MYRFL: variants seen among roughly 807,000 people sequenced by gnomAD.
The protein encoded by MYRFL is myelin regulatory factor-like protein.
In MYRFL, 88 loss-of-function variants were observed where a neutral mutation model predicts 109.4. That is an observed-to-expected ratio of 0.80 (90% CI 0.68 to 0.96). MYRFL has a LOEUF of 0.96. Ranked by LOEUF, MYRFL falls within the 40% of genes least tolerant of loss-of-function variation. The pLI, the probability that MYRFL is intolerant of heterozygous loss-of-function variation, is 0.00. For synonymous variants in MYRFL, 324 were observed against 320.9 expected, an observed-to-expected ratio of 1.01 and a Z score of -0.10; for missense variants, 957 against 954.9, an observed-to-expected ratio of 1.00 and a Z score of -0.03.
intron 8 of MYRFL, 58 bp from the exon 9 acceptor site, chr12:69,895,313 C>T: frequency 8.0e-7 from 1 of 1,244,696 alleles, no homozygotes; most frequent in Non-Finnish European, 1.1e-6. Context: ...TAGATATGAT[C>T]AGAGATTTGG....
intron 13 of MYRFL, among the ~76,000 whole-genome samples, chr12:69,917,965 A>G (rs1399346446): frequency 6.7e-6 from 1 of 149,252 alleles, no homozygotes; most frequent in Non-Finnish European, 1.5e-5. Context: ...CAGCTAGGGT[A>G]GAGAGGAAGC....
chr12:69,938,698 T>C (rs1026097479), intron 19 of MYRFL, among the ~76,000 whole-genome samples: 7 of 152,048 alleles, frequency 4.6e-5, no homozygotes, highest in Non-Finnish European at 7.4e-5. Flanking sequence ...AATAAAGATA[T>C]AGGAATAGGA....
intron 1 of MYRFL, among the ~76,000 whole-genome samples, chr12:69,836,239 TC>T (rs1045504314): frequency 1.9e-4 from 29 of 152,286 alleles, no homozygotes; most frequent in African/African-American, 7.0e-4. Context: ...GTGTGTTCCT[TC>T]ACCAATGTGC....
intron 19 of MYRFL, among the ~76,000 whole-genome samples, chr12:69,941,851 A>AT (rs1355415417): frequency 6.6e-6 from 1 of 151,586 alleles, no homozygotes; most frequent in Non-Finnish European, 1.5e-5. Flanking sequence ...GATAAAGGGG[A>AT]TATCACCACC....
chr12:69,938,717 G>A (rs1006089451), intron 19 of MYRFL, among the ~76,000 whole-genome samples: 15 of 152,130 alleles, frequency 9.9e-5, no homozygotes, highest in African/African-American at 9.7e-5. Context: ...GAACAGCTCC[G>A]GTCTACAGCT....
intron 2 of MYRFL, among the ~76,000 whole-genome samples, chr12:69,862,391 T>C (rs1187826762): frequency 6.6e-6 from 1 of 152,222 alleles, no homozygotes. Context: ...GCATGAAATG[T>C]TCTTCCATTT....
chr12:69,936,716 T>C (rs1955483121), intron 19 of MYRFL, 84 bp downstream of exon 19: 2 of 1,241,352 alleles, frequency 1.6e-6, no homozygotes, highest in Non-Finnish European at 2.1e-6. Flanking sequence ...TGGTCATTAA[T>C]GGTTCCAGAT....
intron 1 of MYRFL, among the ~76,000 whole-genome samples, chr12:69,831,406 C>T (rs1355327387): frequency 6.6e-6 from 1 of 152,144 alleles, no homozygotes; most frequent in African/African-American, 2.4e-5. Context: ...TGATCTACAA[C>T]CTAACTAATA....
chr12:69,857,019 G>T (rs1884333984), intron 2 of MYRFL, among the ~76,000 whole-genome samples: 1 of 151,646 alleles, frequency 6.6e-6, no homozygotes, highest in Admixed American at 6.6e-5. Context: ...TTATATTTAG[G>T]TCTATGATCC....
intron 22 of MYRFL, 62 bp from the exon 23 acceptor site, chr12:69,957,760 T>C (rs899194896): frequency 4.1e-6 from 6 of 1,472,422 alleles, no homozygotes; most frequent in Non-Finnish European, 5.4e-6. Context: ...TATCAAGATG[T>C]ATCCTAGTAG....
chr12:69,898,229 A>G (rs1015080830), intron 10 of MYRFL, among the ~76,000 whole-genome samples: 6 of 152,326 alleles, frequency 3.9e-5, no homozygotes, highest in Admixed American at 3.9e-4. Context: ...GTTCTGAAAC[A>G]AAGGGACCTC....
intron 19 of MYRFL, among the ~76,000 whole-genome samples, chr12:69,938,651 A>AAAG (rs1955540022): frequency 6.6e-6 from 1 of 152,212 alleles, no homozygotes; most frequent in Non-Finnish European, 1.5e-5. Context: ...AAAAGGTTTA[A>AAAG]AAGTAAAAAA....
At chr12:69,840,001 C>G (rs1048179177) in intron 1 of MYRFL, among the ~76,000 whole-genome samples, 3 of 152,190 alleles carry the variant, frequency 2.0e-5, no homozygotes, top group African/African-American at 7.2e-5. Flanking sequence ...CTTTTCAAAA[C>G]CTATGACAAA....
chr12:69,914,800 T>C (rs1296594426), intron 13 of MYRFL, among the ~76,000 whole-genome samples: 1 of 152,206 alleles, frequency 6.6e-6, no homozygotes, highest in Non-Finnish European at 1.5e-5. Flanking sequence ...AAGGCAGCAC[T>C]CAGTTTATAA....
rs761606976 is a variant in MYRFL at position 69,925,884 on chromosome 12, T to TA, written c.1603-686dup. On this transcript the variant is annotated intron_variant, in intron 13 of 24. Coordinates refer to ENST00000552032, the MANE Select transcript of MYRFL (RefSeq NM_182530.3). ...ACACCTCAATAATTATCTTCTCATTTATAGATGAAGAAATGGAAGCACAGA... is the reference window on the plus strand; with the variant it reads ...ACACCTCAATAATTATCTTCTCATTTAATAGATGAAGAAATGGAAGCACAGA... 1.1e-3 allele frequency among the ~76,000 whole-genome samples: 167 copies of TA among 152,330 alleles called. 1 individual carries two copies. The highest frequency in any genetic ancestry group is 1.6e-3 in the Admixed American group (24 of 15,308).
At chr12:69,829,442 G>A (rs1882484138) in intron 1 of MYRFL, among the ~76,000 whole-genome samples, 1 of 152,118 alleles carries the variant, frequency 6.6e-6, no homozygotes, top group African/African-American at 2.4e-5. Context: ...GCTTAATTCA[G>A]GTGGGATTAA....
intron 2 of MYRFL, among the ~76,000 whole-genome samples, chr12:69,875,599 T>G (rs1885611421): frequency 6.6e-6 from 1 of 152,202 alleles, no homozygotes; most frequent in South Asian, 2.1e-4. Flanking sequence ...GGAACCTGGC[T>G]GCAAGAGCAT....
At chr12:69,943,246 C>G (rs953984917) in intron 19 of MYRFL, among the ~76,000 whole-genome samples, 1 of 151,296 alleles carries the variant, frequency 6.6e-6, no homozygotes, top group Non-Finnish European at 1.5e-5. Context: ...GCCAAAAGAA[C>G]AAAGCTGGAG....
chr12:69,956,302 T>C (rs1381869003), intron 22 of MYRFL, among the ~76,000 whole-genome samples: 2 of 152,140 alleles, frequency 1.3e-5, no homozygotes, highest in Non-Finnish European at 2.9e-5. Context: ...CCCAGTGAGA[T>C]GAGACATGTA....
Sources: allele counts gnomAD v4.1 joint callset (sites outside exome capture counted in the v4.1 genomes callset), GRCh38; gene constraint gnomAD v4.1.1; transcripts MANE v1.5; gene names NCBI Gene and HGNC (gene_info 2026-07-23, HGNC 2026-07-21).